DENND3: variants seen among roughly 807,000 people sequenced by gnomAD.
DENND3 encodes the protein DENN domain-containing protein 3.
Under a neutral mutation model 135.1 loss-of-function variants are expected in DENND3, and 88 were observed. The ratio of observed to expected loss-of-function variants is 0.65; its 90% CI spans 0.55 to 0.78. The LOEUF (loss-of-function observed/expected upper bound fraction) is 0.78, where lower values mean the gene tolerates loss of function less well. Among genes scored for constraint, DENND3 ranks in the 30% least tolerant of loss-of-function variants. The probability of loss-of-function intolerance (pLI) is 0.00; values close to 1 mark genes in which losing one functional copy is unlikely to be tolerated. For missense variants in DENND3, 1,392 were observed against 1,688.4 expected (o/e 0.82, Z 3.08); for synonymous variants, 693 against 712.3 (o/e 0.97, Z 0.43).
At chr8:141,163,101 A>C (rs1820345209) in intron 9 of DENND3, among the ~76,000 whole-genome samples, 2 of 152,170 alleles carry the variant, frequency 1.3e-5, no homozygotes, top group Admixed American at 1.3e-4. Context: ...GGGCTGGAGG[A>C]AGGTGAGAAC....
In DENND3 at chr8:141,137,757, C is replaced by T. The variant is rs566450233; in HGVS notation, c.386-265C>T. Among the ~76,000 whole-genome samples the T allele has an allele frequency of 4.6e-5, 7 of 152,328 alleles. No individual in the cohort carries two copies. The East Asian group carries it at 1.2e-3, about 25-fold the overall frequency. On this transcript the variant is annotated intron_variant, in intron 2 of 22. Coordinates refer to ENST00000519811, the MANE Select transcript of DENND3 (RefSeq NM_001352890.3). This position sits in a 1 kb window ranked among gnomAD's most constrained non-coding sequence, Gnocchi z 4.1. ...ACAGGGATTATAAACCTGGGACAGGCGCCAGGTGGGCGGCTGTGCCCAGCA... is the reference window on the plus strand; with the variant it reads ...ACAGGGATTATAAACCTGGGACAGGTGCCAGGTGGGCGGCTGTGCCCAGCA...
chr8:141,135,410 C>T (rs1816680598), intron 1 of DENND3, among the ~76,000 whole-genome samples: 1 of 152,212 alleles, frequency 6.6e-6, no homozygotes, highest in Non-Finnish European at 1.5e-5. Context: ...CTTTGGCCTC[C>T]CAAAGTGCTG....
Position 141,175,818 on chromosome 8 carries a change from A to G in DENND3, c.2535+359A>G. 3.1e-6 allele frequency: 1 copy of G among 326,966 alleles called. No homozygotes were observed. The highest frequency in any genetic ancestry group is 5.9e-6 in the Non-Finnish European group (1 of 169,142). The allele number at this position is 326,966 out of a possible 1,614,324, so 20.3% of individuals were successfully genotyped here. On this transcript the variant is annotated intron_variant, in intron 14 of 22. Transcript: ENST00000519811. The surrounding 1 kb of genome is among the most constrained non-coding windows in gnomAD (Gnocchi z 5.4). ...ATGAGATGTTTACTGAGAAACTGCC[A>G]TGTGCCAGCCACGGTGAGCTACAGT... is the stretch of plus-strand genomic sequence containing the variant.
At position 141,136,815 on chromosome 8, in the gene DENND3, C is replaced by T. The variant is rs751324987; in HGVS notation, c.385+24C>T. On this transcript the variant is annotated intron_variant, in intron 2 of 22. Transcript: ENST00000519811. ...AGGTATGTCTAGGAGGTGGGCACCA[C>T]TGGGCGCCTCCTGCTGCCGGCCACC... 13 of 1,520,756 alleles carry T rather than the reference C, an allele frequency of 8.5e-6. No homozygotes were observed. The Admixed American group carries it at 1.2e-4, about 14-fold the overall frequency. 94.2% of individuals were successfully genotyped at this position (1,520,756 alleles called of 1,614,324 possible). A position where few individuals can be genotyped will look rare whatever the true frequency, so the allele number is the denominator to read the frequency against.
At position 141,176,772 on chromosome 8, in the gene DENND3, C is replaced by A; in HGVS notation, c.2706+11C>A. On this transcript the variant is annotated intron_variant, in intron 15 of 22. Transcript: ENST00000519811. Reference sequence around the variant, plus strand: ...GCCGATGACCACAAGGTGGGAGACGCGGGTCCCCTCTGCCCTTTGCTGTGG... The same window carrying A: ...GCCGATGACCACAAGGTGGGAGACGAGGGTCCCCTCTGCCCTTTGCTGTGG... The A allele has an allele frequency of 1.2e-6, 2 of 1,611,018 alleles. No homozygotes were observed. The highest frequency in any genetic ancestry group is 1.7e-6 in the Non-Finnish European group (2 of 1,178,062).
At chr8:141,140,568 TTAGA>T (rs1460197523) in intron 3 of DENND3, among the ~76,000 whole-genome samples, 1 of 152,206 alleles carries the variant, frequency 6.6e-6, no homozygotes, top group African/African-American at 2.4e-5. Context: ...TTAAATTTTG[TTAGA>T]TAGACAAATG....
In DENND3 at chr8:141,166,674, G is replaced by A. The variant is rs1053567494; in HGVS notation, c.1753+285G>A. On this transcript the variant is annotated intron_variant, in intron 12 of 22. Coordinates refer to ENST00000519811, the MANE Select transcript of DENND3 (RefSeq NM_001352890.3). This position sits in a 1 kb window ranked among gnomAD's most constrained non-coding sequence, Gnocchi z 4.3. ...AGGCTGTGCCTGTCTCTGTATGTGT[G>A]GATTGCATGTGTATAAATACATATT... 2.6e-5 allele frequency among the ~76,000 whole-genome samples: 4 copies of A among 152,178 alleles called. No homozygotes were observed. The highest frequency in any genetic ancestry group is 9.7e-5 in the African/African-American group (4 of 41,428).
At chr8:141,142,243 G>GT (rs1817550448) in intron 4 of DENND3, 2 of 396,414 alleles carry the variant, frequency 5.0e-6, no homozygotes, top group Non-Finnish European at 5.1e-6. Flanking sequence ...GCACGGAGCC[G>GT]TTTCTTTTGA....
rs1260066591 is a variant in DENND3 at position 141,166,752 on chromosome 8, A to C, written c.1753+363A>C. 6.6e-6 allele frequency among the ~76,000 whole-genome samples: 1 copy of C among 152,158 alleles called. No homozygotes were observed. Among genetic ancestry groups the C allele is most frequent in the Non-Finnish European group, 1.5e-5 (1 of 68,020 alleles). ...AGGGAGCGCACCAGGCACTTTCTAG[A>C]GCCGGAGCTGTGAAGGAGCCCAGTG... On this transcript the variant is annotated intron_variant, in intron 12 of 22. Coordinates refer to ENST00000519811, the MANE Select transcript of DENND3 (RefSeq NM_001352890.3). This position sits in a 1 kb window ranked among gnomAD's most constrained non-coding sequence, Gnocchi z 4.3.
rs1815843612 is a variant in DENND3 at position 141,130,258 on chromosome 8, G to T, written c.102+1449G>T. On this transcript the variant is annotated intron_variant, in intron 1 of 22. Transcript: ENST00000519811. The surrounding 1 kb of genome is among the most constrained non-coding windows in gnomAD (Gnocchi z 4.2). ...ATTATTATTATGTTAATAATAGAGA[G>T]GAGGTCTCACTGTGTTGCCCAGACT... Among the ~76,000 whole-genome samples the T allele has an allele frequency of 6.6e-6, 1 of 152,078 alleles. No individual in the cohort carries two copies. The highest frequency in any genetic ancestry group is 2.4e-5 in the African/African-American group (1 of 41,386).
rs759638677 is a variant in DENND3, at chr8:141,190,315, G to A, written c.3277G>A (p.Val1093Met). 3 of 1,612,776 alleles carry A rather than the reference G, an allele frequency of 1.9e-6. No individual in the cohort carries two copies. Among genetic ancestry groups the A allele is most frequent in the South Asian group, 2.2e-5 (2 of 90,686 alleles). The change falls in exon 20 of 23, where the codon GTG (valine) becomes ATG (methionine). Residue 1093 changes from valine (V) to methionine (M), a missense_variant. Val to Met is a conservative substitution (Grantham distance 21). Transcript: ENST00000519811. ...NVYSCSMDGM[V>M]LVWNVSTLQV... ...GTACTCGTGCAGCATGGACGGCATG[G>A]TGCTGGTGTGGAATGTGAGCACACT...
Position 141,175,621 on chromosome 8 carries a change from G to A in DENND3, c.2535+162G>A, listed in dbSNP as rs1357410961. 4.8e-6 allele frequency: 5 copies of A among 1,044,982 alleles called. No individual in the cohort carries two copies. In the Admixed American group the frequency reaches 5.9e-5, roughly 12 times the overall value. The allele number at this position is 1,044,982 out of a possible 1,614,324, so 64.7% of individuals were successfully genotyped here. A position where few individuals can be genotyped will look rare whatever the true frequency, so the allele number is the denominator to read the frequency against. ...CCTCAGTTTGCTCATCTGTAAAGTA[G>A]GAATAAGGCTGATACCTTCTCAGTG... On this transcript the variant is annotated intron_variant, in intron 14 of 22. Transcript: ENST00000519811. The surrounding 1 kb of genome is among the most constrained non-coding windows in gnomAD (Gnocchi z 5.4).
chr8:141,164,126 G>A (rs1007471241), intron 10 of DENND3, among the ~76,000 whole-genome samples: 2 of 151,992 alleles, frequency 1.3e-5, no homozygotes, highest in East Asian at 1.9e-4. Context: ...AGAGTCTTGC[G>A]CTGTGCAGTC....
chr8:141,172,653 T>C (rs1042432902), intron 13 of DENND3, among the ~76,000 whole-genome samples: 1 of 152,204 alleles, frequency 6.6e-6, no homozygotes, highest in Non-Finnish European at 1.5e-5. Flanking sequence ...CGATTCACTC[T>C]CACTTGCTCT....
chr8:141,144,093 A>G lies in DENND3; in HGVS notation c.624-55A>G, dbSNP rs2154612820. The G allele has an allele frequency of 6.8e-7, 1 of 1,460,868 alleles. No homozygotes were observed. The highest frequency in any genetic ancestry group is 2.3e-5 in the East Asian group (1 of 42,836). The allele number at this position is 1,460,868 out of a possible 1,614,324, so 90.5% of individuals were successfully genotyped here. ...AGTGTGATTAGAAACGCTAACGATGACAACTGCGTTCTCATCTTTATTTTG... is the reference window on the plus strand; with the variant it reads ...AGTGTGATTAGAAACGCTAACGATGGCAACTGCGTTCTCATCTTTATTTTG... On this transcript the variant is annotated intron_variant, in intron 4 of 22. Transcript: ENST00000519811. This position sits in a 1 kb window ranked among gnomAD's most constrained non-coding sequence, Gnocchi z 4.4.
intron 7 of DENND3, among the ~76,000 whole-genome samples, chr8:141,155,239 G>A (rs749263312): frequency 4.1e-4 from 63 of 152,142 alleles, no homozygotes; most frequent in Non-Finnish European, 6.8e-4. Context: ...CGAGCTGCAC[G>A]CTTAACATTG....
intron 7 of DENND3, 58 bp downstream of exon 7, chr8:141,151,895 C>T: frequency 6.3e-7 from 1 of 1,587,516 alleles, no homozygotes. Context: ...ATCACGGGGA[C>T]ACATGGGAAG....
Position 141,180,755 on chromosome 8 carries a change from A to G in DENND3, c.2845A>G (p.Thr949Ala). 1 of 1,612,626 alleles carries G rather than the reference A, an allele frequency of 6.2e-7. No homozygotes were observed. The highest frequency in any genetic ancestry group is 8.5e-7 in the Non-Finnish European group (1 of 1,179,264). The change falls in exon 17 of 23, where the codon ACG becomes GCG. Residue 949 changes from threonine (T) to alanine (A), a missense_variant. By Grantham distance (58) the Thr-to-Ala change is moderately conservative. Transcript: ENST00000519811. ...AGTGTCTTGTCTTTCAGTGCCCATG[A>G]CGCTTCCGGAGACAACCCTGGAAAC... ...FDKMSNEMPM[T>A]LPETTLETLK... is the part of the protein sequence containing the mutation.
At chr8:141,159,252 G>A (rs1461157988) in intron 8 of DENND3, among the ~76,000 whole-genome samples, 1 of 152,162 alleles carries the variant, frequency 6.6e-6, no homozygotes, top group Non-Finnish European at 1.5e-5. Context: ...CCCTTTTCCT[G>A]TCCCTGCCTC....
Sources: allele counts gnomAD v4.1 joint callset (sites outside exome capture counted in the v4.1 genomes callset), GRCh38; gene constraint gnomAD v4.1.1; non-coding constraint Gnocchi (gnomAD v3.1); transcripts MANE v1.5; gene names NCBI Gene and HGNC (gene_info 2026-07-23, HGNC 2026-07-21).